The following ADGRD1 variants were observed in gnomAD, a reference collection of about 807,000 sequenced individuals.
The protein encoded by ADGRD1 is adhesion G protein-coupled receptor D1.
Under a neutral mutation model 113.4 loss-of-function variants are expected in ADGRD1, and 77 were observed. The observed-to-expected ratio is 0.68, with a 90% CI of 0.57 to 0.82. The LOEUF (loss-of-function observed/expected upper bound fraction) is 0.82, where lower values mean the gene tolerates loss of function less well. Ranked by LOEUF, ADGRD1 falls within the 40% of genes least tolerant of loss-of-function variation. The pLI is 0.00. For missense variants in ADGRD1, 1,036 were observed against 1,139.1 expected (o/e 0.91, Z 1.30); for synonymous variants, 474 against 475.0 (o/e 1.00, Z 0.03).
intron 20 of ADGRD1, among the ~76,000 whole-genome samples, chr12:131,127,331 C>T (rs1017656418): frequency 4.6e-5 from 7 of 152,364 alleles, no homozygotes; most frequent in South Asian, 2.1e-4. Context: ...ATCATCCTTT[C>T]GGTGGCCTTG....
In ADGRD1 at chr12:131,104,151, G is replaced by A. The variant is rs972976196; in HGVS notation, c.1672-680G>A. Among the ~76,000 whole-genome samples the A allele has an allele frequency of 4.6e-5, 7 of 152,340 alleles. No homozygotes were observed. The East Asian group carries it at 9.6e-4, about 21-fold the overall frequency. The stretch of plus-strand genomic sequence containing the variant: ...GACACGGGTGCTGGCGATCACCACC[G>A]TGTCCATTTAGAGAGCTTTCCTGAG... On this transcript the variant is annotated intron_variant, in intron 15 of 24. Transcript: ENST00000261654.
At chr12:131,042,849 A>C (rs545249039) in intron 13 of ADGRD1, among the ~76,000 whole-genome samples, 1 of 152,272 alleles carries the variant, frequency 6.6e-6, no homozygotes. Flanking sequence ...AGCTGGCAAC[A>C]GTTACGAATT....
intron 12 of ADGRD1, 86 bp from the exon 13 acceptor site, chr12:131,014,113 T>C: frequency 7.5e-7 from 1 of 1,332,292 alleles, no homozygotes; most frequent in Non-Finnish European, 1.0e-6. Context: ...TAGTTTTGGG[T>C]GGAACGCTGG....
intron 20 of ADGRD1, among the ~76,000 whole-genome samples, chr12:131,121,341 G>T (rs770969054): frequency 1.3e-5 from 2 of 152,206 alleles, no homozygotes; most frequent in Non-Finnish European, 2.9e-5. Flanking sequence ...AGTTACAGTG[G>T]TTTGCAAGTG....
chr12:131,064,398 G>T (rs971057164), intron 13 of ADGRD1, among the ~76,000 whole-genome samples: 1 of 152,146 alleles, frequency 6.6e-6, no homozygotes, highest in Non-Finnish European at 1.5e-5. Flanking sequence ...TTTCTGCCTC[G>T]ATATGATCAT....
chr12:131,102,590 G>C (rs1023526984), intron 15 of ADGRD1, among the ~76,000 whole-genome samples: 3 of 152,208 alleles, frequency 2.0e-5, no homozygotes, highest in Non-Finnish European at 4.4e-5. Flanking sequence ...GCTCTGGGCA[G>C]AGTCGGTGTG....
intron 13 of ADGRD1, among the ~76,000 whole-genome samples, chr12:131,048,392 C>T (rs1883051693): frequency 6.6e-6 from 1 of 152,200 alleles, no homozygotes; most frequent in South Asian, 2.1e-4. Context: ...GAAGCAGCCG[C>T]CCATCCTCGG....
At chr12:131,044,798 C>G (rs1593109359) in intron 13 of ADGRD1, among the ~76,000 whole-genome samples, 1 of 152,238 alleles carries the variant, frequency 6.6e-6, no homozygotes, top group African/African-American at 2.4e-5. Flanking sequence ...CAGCGGCGCT[C>G]TGGGAGACTT....
At chr12:131,083,582 G>A (rs1886229398) in intron 14 of ADGRD1, among the ~76,000 whole-genome samples, 1 of 152,188 alleles carries the variant, frequency 6.6e-6, no homozygotes, top group African/African-American at 2.4e-5. Flanking sequence ...ACTCCAGCCT[G>A]CGAAACAGAT....
At chr12:131,033,871 G>A (rs1881082874) in intron 13 of ADGRD1, among the ~76,000 whole-genome samples, 1 of 152,174 alleles carries the variant, frequency 6.6e-6, no homozygotes, top group Admixed American at 6.5e-5. Context: ...GCAGGATCTA[G>A]GTGTGAGCGT....
At position 131,045,094 on chromosome 12, in the gene ADGRD1, G is replaced by T. The variant is rs533705757; in HGVS notation, c.1473+30754G>T. ...CCAGGAGCGGATCCGAATGCGAATG[G>T]CTGCTGTCCAGGGGGCCTCCAGGCA... On this transcript the variant is annotated intron_variant, in intron 13 of 24. Coordinates refer to ENST00000261654, the MANE Select transcript of ADGRD1 (RefSeq NM_198827.5). Among the ~76,000 whole-genome samples the T allele has an allele frequency of 8.5e-5, 13 of 152,366 alleles. No individual in the cohort carries two copies. In the South Asian group the frequency reaches 1.9e-3, roughly 22 times the overall value.
Position 131,057,394 on chromosome 12 carries a change from G to A in ADGRD1, c.1474-19407G>A, listed in dbSNP as rs538454843. Among the ~76,000 whole-genome samples the A allele has an allele frequency of 8.5e-5, 13 of 152,306 alleles. No individual in the cohort carries two copies. The South Asian group carries it at 1.0e-3, about 12-fold the overall frequency. On this transcript the variant is annotated intron_variant, in intron 13 of 24. Transcript: ENST00000261654. The surrounding 1 kb of genome is among the most constrained non-coding windows in gnomAD (Gnocchi z 4.2). Reference sequence around the variant, plus strand: ...GAGCCGAGTCTGCGCTGCTGTGGCCGTTTCCTAGGGCCACCGTGACAAATG... The same window carrying A: ...GAGCCGAGTCTGCGCTGCTGTGGCCATTTCCTAGGGCCACCGTGACAAATG...
chr12:131,040,717 C>T (rs1452838264), intron 13 of ADGRD1, among the ~76,000 whole-genome samples: 1 of 152,256 alleles, frequency 6.6e-6, no homozygotes, highest in Non-Finnish European at 1.5e-5. Flanking sequence ...ATAGAACAAC[C>T]TTGTGTGTGC....
At chr12:131,025,269 C>A (rs1467637116) in intron 13 of ADGRD1, among the ~76,000 whole-genome samples, 4 of 152,140 alleles carry the variant, frequency 2.6e-5, no homozygotes, top group African/African-American at 9.7e-5. Flanking sequence ...CTTAGCCAAG[C>A]GTTCTCTAGG....
intron 8 of ADGRD1, among the ~76,000 whole-genome samples, chr12:130,995,341 T>C (rs1875103084): frequency 6.6e-6 from 1 of 152,246 alleles, no homozygotes; most frequent in Admixed American, 6.5e-5. Flanking sequence ...GGCAGCTCCG[T>C]ATCCTTATTG....
intron 13 of ADGRD1, among the ~76,000 whole-genome samples, chr12:131,020,588 G>T (rs1467619323): frequency 6.6e-6 from 1 of 152,252 alleles, no homozygotes; most frequent in Non-Finnish European, 1.5e-5. Context: ...TGCCCACCTG[G>T]ACATGGGCCA....
intron 8 of ADGRD1, among the ~76,000 whole-genome samples, chr12:130,997,429 GGCTCCTCAC>G (rs1251811554): frequency 1.0e-4 from 15 of 143,004 alleles, no homozygotes; most frequent in African/African-American, 3.7e-4. Context: ...CGGGCGGAGG[GGCTCCTCAC>G]TTCTCAGACG....
chr12:131,071,591 T>C (rs114587395), intron 13 of ADGRD1, among the ~76,000 whole-genome samples: 3 of 152,158 alleles, frequency 2.0e-5, no homozygotes, highest in Non-Finnish European at 2.9e-5. Context: ...GGATGGAACC[T>C]CTCCACACAT....
At chr12:131,035,982 G>T (rs992512176) in intron 13 of ADGRD1, among the ~76,000 whole-genome samples, 1 of 152,162 alleles carries the variant, frequency 6.6e-6, no homozygotes, top group African/African-American at 2.4e-5. Flanking sequence ...CACTACTAAG[G>T]TTCTCCTGGT....
Sources: gnomAD v4.1 joint callset for allele counts (sites outside exome capture counted in the v4.1 genomes callset) on GRCh38, gnomAD v4.1.1 for gene constraint, Gnocchi (gnomAD v3.1) non-coding constraint, MANE v1.5 for transcripts, NCBI Gene and HGNC (gene_info 2026-07-23, HGNC 2026-07-21) for gene names.